IKZF1: variants seen among roughly 807,000 people sequenced by gnomAD.
The protein encoded by IKZF1 is DNA-binding protein Ikaros.
In IKZF1, 10 loss-of-function variants were observed where a neutral mutation model predicts 51.7. The observed-to-expected ratio is 0.19, with a 90% confidence interval of 0.12 to 0.33. IKZF1 has a LOEUF of 0.33. Among genes scored for constraint, IKZF1 ranks in the 10% least tolerant of loss-of-function variants. The pLI, the probability that IKZF1 is intolerant of heterozygous loss-of-function variation, is 1.00. For synonymous variants in IKZF1, 280 were observed against 282.3 expected (o/e 0.99, Z 0.08); for missense variants, 484 against 707.5 (o/e 0.68, Z 3.58).
At chr7:50,305,517 G>A (rs1476862878) in intron 1 of IKZF1, among the ~76,000 whole-genome samples, 1 of 152,152 alleles carries the variant, frequency 6.6e-6, no homozygotes, top group Admixed American at 6.5e-5. Flanking sequence ...AAGGAACCTC[G>A]TGAGGGCTTG....
intron 3 of IKZF1, among the ~76,000 whole-genome samples, chr7:50,333,890 C>T (rs1351733280): frequency 2.0e-5 from 3 of 152,282 alleles, no homozygotes; most frequent in East Asian, 3.9e-4. Flanking sequence ...CAGGTATTGT[C>T]AGCATGAACA....
intron 2 of IKZF1, among the ~76,000 whole-genome samples, chr7:50,327,005 T>C (rs1006157437): frequency 1.3e-5 from 2 of 152,144 alleles, no homozygotes; most frequent in African/African-American, 4.8e-5. Context: ...GGCAAGCTCA[T>C]TGTGGGGGTA....
chr7:50,349,850 G>A (rs1188598209), intron 3 of IKZF1, among the ~76,000 whole-genome samples: 2 of 152,128 alleles, frequency 1.3e-5, no homozygotes, highest in Non-Finnish European at 2.9e-5. Flanking sequence ...ACATGTTATT[G>A]GGTCTATGAA....
At chr7:50,375,689 T>G (rs1810028961) in intron 3 of IKZF1, among the ~76,000 whole-genome samples, 1 of 142,752 alleles carries the variant, frequency 7.0e-6, no homozygotes, top group Non-Finnish European at 1.5e-5. Flanking sequence ...TTCAAGACAC[T>G]AAAAGTTCAC....
At chr7:50,396,982 A>G (rs1031021581) in intron 7 of IKZF1, among the ~76,000 whole-genome samples, 6 of 152,174 alleles carry the variant, frequency 3.9e-5, no homozygotes, top group Admixed American at 2.6e-4. Flanking sequence ...TCACTTCTCC[A>G]TGTTCATCTG....
chr7:50,392,027 T>TAAG (rs1815242981), intron 7 of IKZF1, among the ~76,000 whole-genome samples, 164 bp downstream of exon 7: 1 of 152,240 alleles, frequency 6.6e-6, no homozygotes, highest in Admixed American at 6.5e-5. Flanking sequence ...TTTTTTCCAA[T>TAAG]AAGTATCTTA....
chr7:50,395,689 A>C (rs1004226650), intron 7 of IKZF1, among the ~76,000 whole-genome samples: 2 of 152,196 alleles, frequency 1.3e-5, no homozygotes, highest in South Asian at 2.1e-4. Context: ...TTTTCTTCTT[A>C]TTTATGTTTA....
intron 7 of IKZF1, 84 bp from the exon 8 acceptor site, chr7:50,399,834 G>T: frequency 9.3e-6 from 14 of 1,510,170 alleles, no homozygotes; most frequent in Non-Finnish European, 1.1e-5. Flanking sequence ...TCCCCTCCCC[G>T]GTTGTAGATT....
Position 50,400,230 on chromosome 7 carries a change from C to T in IKZF1, c.1163C>T (p.Ala388Val), listed in dbSNP as rs2153518622. 2 of 1,602,306 alleles carry T rather than the reference C, an allele frequency of 1.2e-6. No homozygotes were observed. The highest frequency in any genetic ancestry group is 2.3e-5 in the East Asian group (1 of 44,318). ...KAKLVPSERE[A>V]SPSNSCQDST... is the part of the protein sequence containing the mutation. ...AAGTTGGTGCCCTCGGAGCGCGAGG[C>T]GTCCCCGAGCAACAGCTGCCAAGAC... Residue 388 changes from alanine to valine, a missense_variant, in exon 8 of 8, where the codon GCG (alanine) becomes GTG (valine). Ala to Val is a moderately conservative substitution (Grantham distance 64). Around this residue, in one of 6 missense-constraint regions of IKZF1, gnomAD observed 27 missense variants for 56.8 expected, o/e 0.48. Transcript: ENST00000331340. The surrounding 1 kb of genome is among the most constrained non-coding windows in gnomAD (Gnocchi z 5.4).
intron 3 of IKZF1, among the ~76,000 whole-genome samples, chr7:50,370,908 C>A (rs1343100543): frequency 6.6e-6 from 1 of 152,170 alleles, no homozygotes; most frequent in African/African-American, 2.4e-5. Flanking sequence ...TTCACTGAAG[C>A]AATACCACAG....
At chr7:50,319,134 T>C in intron 2 of IKZF1, 33 bp downstream of exon 2, 1 of 1,608,080 alleles carries the variant, frequency 6.2e-7, no homozygotes, top group Non-Finnish European at 8.5e-7. Flanking sequence ...TGTGGGAAGT[T>C]CATGAGAAAA....
intron 3 of IKZF1, among the ~76,000 whole-genome samples, chr7:50,347,354 C>T (rs545402991): frequency 6.6e-6 from 1 of 152,168 alleles, no homozygotes; most frequent in Non-Finnish European, 1.5e-5. Context: ...GGATCAGATC[C>T]TAGAGCCTCT....
chr7:50,392,961 A>T (rs1224045421), intron 7 of IKZF1, among the ~76,000 whole-genome samples: 2 of 152,232 alleles, frequency 1.3e-5, no homozygotes, highest in Non-Finnish European at 2.9e-5. Flanking sequence ...TGTCCTAGGC[A>T]GCTCTGCCAC....
At chr7:50,368,486 C>G in intron 3 of IKZF1, 1 of 599,678 alleles carries the variant, frequency 1.7e-6, no homozygotes, top group Non-Finnish European at 3.0e-6. Flanking sequence ...GAGATATGCT[C>G]TTCATCTGTG....
intron 3 of IKZF1, chr7:50,367,828 T>G (rs1807411860): frequency 5.1e-6 from 3 of 586,652 alleles, no homozygotes; most frequent in African/African-American, 3.7e-5. Flanking sequence ...GTCCTGTTCA[T>G]GAGTAATTAC....
At chr7:50,330,458 C>A (rs1796210559) in intron 3 of IKZF1, among the ~76,000 whole-genome samples, 1 of 152,054 alleles carries the variant, frequency 6.6e-6, no homozygotes, top group African/African-American at 2.4e-5. Flanking sequence ...CATGACAAAC[C>A]AGGCACGACA....
chr7:50,397,891 CT>C (rs1232744713), intron 7 of IKZF1, among the ~76,000 whole-genome samples: 2 of 152,126 alleles, frequency 1.3e-5, no homozygotes, highest in African/African-American at 4.8e-5. Context: ...GTATGTGCCA[CT>C]TCTGACCACC....
chr7:50,331,355 G>T (rs899783987), intron 3 of IKZF1, among the ~76,000 whole-genome samples: 1 of 151,856 alleles, frequency 6.6e-6, no homozygotes, highest in Admixed American at 6.6e-5. Flanking sequence ...CAGAGTAAGG[G>T]TGCTGGCCGC....
chr7:50,324,994 C>T (rs1025280621), intron 2 of IKZF1, among the ~76,000 whole-genome samples: 1 of 152,058 alleles, frequency 6.6e-6, no homozygotes, highest in Non-Finnish European at 1.5e-5. Context: ...CTCCCACCTC[C>T]ACCCCATAAT....
Sources: allele counts gnomAD v4.1 joint callset (sites outside exome capture counted in the v4.1 genomes callset), GRCh38; gene constraint gnomAD v4.1.1; regional missense constraint gnomAD v4.1.1; non-coding constraint Gnocchi (gnomAD v3.1); transcripts MANE v1.5; gene names NCBI Gene and HGNC (gene_info 2026-07-23, HGNC 2026-07-21).